DNAJC7: variants seen among roughly 807,000 people sequenced by gnomAD.
DNAJC7 encodes the protein DnaJ heat shock protein family (Hsp40) member C7.
DNAJC7 carries 18 observed loss-of-function variants against 67.4 expected under a neutral mutation model. The observed-to-expected ratio is 0.27, with a 90% CI of 0.18 to 0.40. The LOEUF (loss-of-function observed/expected upper bound fraction) is 0.40, where lower values mean the gene tolerates loss of function less well. Ranked by LOEUF, DNAJC7 falls within the 10% of genes least tolerant of loss-of-function variation. The pLI is 1.00. For synonymous variants in DNAJC7, 220 were observed against 207.8 expected (o/e 1.06, Z -0.50); for missense variants, 419 against 613.8 (o/e 0.68, Z 3.35).
intron 1 of DNAJC7, among the ~76,000 whole-genome samples, chr17:42,007,739 G>C (rs946676730): frequency 2.0e-5 from 3 of 151,082 alleles, no homozygotes; most frequent in Admixed American, 2.0e-4. Flanking sequence ...GCCCAGGCTG[G>C]TCTCAAACTC....
chr17:42,000,112 C>T lies in DNAJC7; in HGVS notation c.166+370G>A, dbSNP rs569061682. Reference sequence around the variant, plus strand: ...GGGATTACAGGCATGAGCCACTGAGCCTGGCCTATTTTTTTTATCTTTTTG... The same window carrying T: ...GGGATTACAGGCATGAGCCACTGAGTCTGGCCTATTTTTTTTATCTTTTTG... On this transcript the variant is annotated intron_variant, in intron 2 of 13. Coordinates refer to ENST00000457167, the MANE Select transcript of DNAJC7 (RefSeq NM_003315.4). Among the ~76,000 whole-genome samples, 41 of 132,374 alleles carry T rather than the reference C, an allele frequency of 3.1e-4. 1 individual carries two copies. In the South Asian group the frequency reaches 9.7e-3, roughly 31 times the overall value. 86.8% of individuals were successfully genotyped at this position (132,374 alleles called of 152,430 possible).
intron 8 of DNAJC7, among the ~76,000 whole-genome samples, chr17:41,988,155 G>A (rs77369960): frequency 0.068 from 10,295 of 152,232 alleles, 451 homozygotes; most frequent in African/African-American, 0.13. Flanking sequence ...CCATGTTAGT[G>A]CCCAATGAAA....
intron 1 of DNAJC7, chr17:42,016,851 C>T (rs1375381455): frequency 1.4e-6 from 1 of 697,582 alleles, no homozygotes; most frequent in Non-Finnish European, 1.8e-6. Context: ...ATTATGGAGA[C>T]ACACAATCAC....
chr17:41,981,792 T>C lies in DNAJC7; in HGVS notation c.1384+63A>G, dbSNP rs567686581. On this transcript the variant is annotated intron_variant, in intron 12 of 13. Transcript: ENST00000457167. ...AATAGACTCTCCCTCTGGAGCATCT[T>C]TGGAAAAAATTCTAACATTCTACAG... The C allele has an allele frequency of 8.2e-6, 13 of 1,585,776 alleles. No homozygotes were observed. The African/African-American group carries it at 1.6e-4, about 20-fold the overall frequency.
intron 1 of DNAJC7, chr17:42,016,566 G>C (rs550459836): frequency 6.6e-6 from 1 of 152,590 alleles, no homozygotes; most frequent in East Asian, 1.9e-4. Context: ...AGAATCTAGA[G>C]CGTTCTCGAA....
At chr17:42,003,015 G>T (rs1455095141) in intron 1 of DNAJC7, among the ~76,000 whole-genome samples, 1 of 152,160 alleles carries the variant, frequency 6.6e-6, no homozygotes, top group Admixed American at 6.5e-5. Context: ...TTAGTAAATG[G>T]TGAGTAGATT....
intron 8 of DNAJC7, 142 bp downstream of exon 8, chr17:41,988,590 G>T: frequency 1.9e-6 from 2 of 1,030,120 alleles, no homozygotes; most frequent in African/African-American, 1.7e-5. Context: ...TTGCCTCTTG[G>T]AAGGGAGTTC....
chr17:41,989,262 T>C (rs1392418988), intron 7 of DNAJC7, 142 bp downstream of exon 7: 4 of 1,207,152 alleles, frequency 3.3e-6, no homozygotes, highest in Non-Finnish European at 4.6e-6. Flanking sequence ...CCTGAAACCA[T>C]TTCTAATAAA....
At chr17:42,009,095 G>A (rs1461720197) in intron 1 of DNAJC7, among the ~76,000 whole-genome samples, 2 of 152,184 alleles carry the variant, frequency 1.3e-5, no homozygotes, top group Admixed American at 6.6e-5. Flanking sequence ...GAAGGTGAGC[G>A]CTATCCAACT....
In DNAJC7 at chr17:41,981,842, C is replaced by T. The variant is rs782816543; in HGVS notation, c.1384+13G>A. ...GCTGTCAAATTCATCCCAGGCTGCC[C>T]CAGCCAACTCACCACCCATATTCAT... On this transcript the variant is annotated intron_variant, in intron 12 of 13. Coordinates refer to ENST00000457167, the MANE Select transcript of DNAJC7 (RefSeq NM_003315.4). The T allele has an allele frequency of 2.5e-6, 4 of 1,610,152 alleles. No individual in the cohort carries two copies. Among genetic ancestry groups the T allele is most frequent in the Middle Eastern group, 1.7e-4 (1 of 6,036 alleles).
At chr17:41,992,683 C>T (rs781930714) in intron 5 of DNAJC7, 2 of 152,188 alleles carry the variant, frequency 1.3e-5, no homozygotes, top group Non-Finnish European at 2.9e-5. Context: ...TGCTTCACTT[C>T]CCACCCCCCA....
chr17:42,006,294 C>T (rs2051952040), intron 1 of DNAJC7, among the ~76,000 whole-genome samples: 1 of 151,762 alleles, frequency 6.6e-6, no homozygotes, highest in South Asian at 2.1e-4. Flanking sequence ...GCTGGGATTA[C>T]AGGCACACGC....
chr17:41,982,599 G>T (rs2051278241), intron 10 of DNAJC7, among the ~76,000 whole-genome samples, 198 bp from the exon 11 acceptor site: 1 of 152,138 alleles, frequency 6.6e-6, no homozygotes. Context: ...CACTTTGGGA[G>T]GCCTGCATCA....
Position 42,000,556 on chromosome 17 carries a change from A to G in DNAJC7, c.92T>C (p.Phe31Ser). ...ATAGTATGCATTTCCTTGTTCCTTG[A>G]AAGTCTCTGCTTCCCTGAAAATGAA... ...DQEAKREAET[F>S]KEQGNAYYAK... The change falls in exon 2 of 14, where the codon TTC becomes TCC. Residue 31 changes from phenylalanine to serine, a missense_variant. Phe to Ser is a radical substitution (Grantham distance 155). Transcript: ENST00000457167. The G allele has an allele frequency of 6.2e-7, 1 of 1,610,484 alleles. No homozygotes were observed. The highest frequency in any genetic ancestry group is 8.5e-7 in the Non-Finnish European group (1 of 1,178,154).
intron 1 of DNAJC7, among the ~76,000 whole-genome samples, chr17:42,007,085 G>C (rs1363387792): frequency 5.3e-5 from 8 of 150,842 alleles, no homozygotes; most frequent in Non-Finnish European, 1.0e-4. Flanking sequence ...CTGGGCAACA[G>C]AGCAAGATCC....
chr17:41,976,827 T>G, intron 13 of DNAJC7, 57 bp from the exon 14 acceptor site: 2 of 1,589,146 alleles, frequency 1.3e-6, no homozygotes, highest in South Asian at 2.3e-5. Context: ...GAAGATCACT[T>G]TGCTCTGATT....
intron 10 of DNAJC7, 34 bp from the exon 11 acceptor site, chr17:41,982,435 C>G: frequency 1.2e-6 from 2 of 1,609,442 alleles, no homozygotes; most frequent in South Asian, 2.2e-5. Flanking sequence ...GTGGACAAAT[C>G]TGACTCTGGT....
intron 1 of DNAJC7, chr17:42,015,213 C>T (rs1555651672): frequency 6.6e-6 from 1 of 152,046 alleles, no homozygotes; most frequent in Non-Finnish European, 1.5e-5. Flanking sequence ...CTCCCGACCT[C>T]AGCTGACCCA....
intron 2 of DNAJC7, among the ~76,000 whole-genome samples, chr17:41,999,347 C>A (rs1174698254): frequency 3.3e-5 from 5 of 152,048 alleles, no homozygotes; most frequent in African/African-American, 1.2e-4. Flanking sequence ...GAGAAGAACT[C>A]CTGACCTCAG....
Sources: allele counts gnomAD v4.1 joint callset (sites outside exome capture counted in the v4.1 genomes callset), GRCh38; gene constraint gnomAD v4.1.1; transcripts MANE v1.5; gene names NCBI Gene and HGNC (gene_info 2026-07-23, HGNC 2026-07-21).